The following EIF2AK2 variants were observed in gnomAD, a reference collection of about 807,000 sequenced individuals.
The protein encoded by EIF2AK2 is eukaryotic translation initiation factor 2 alpha kinase 2.
Under a neutral mutation model 70.5 loss-of-function variants are expected in EIF2AK2, and 40 were observed. That is an observed-to-expected ratio of 0.57 (90% CI 0.44 to 0.74). The LOEUF (loss-of-function observed/expected upper bound fraction) is 0.74, where lower values mean the gene tolerates loss of function less well. EIF2AK2 is among the 30% of genes least tolerant of loss of function. The probability of loss-of-function intolerance (pLI) is 0.00; values close to 1 mark genes in which losing one functional copy is unlikely to be tolerated. For missense variants in EIF2AK2, 555 were observed against 644.3 expected (o/e 0.86, Z 1.50); for synonymous variants, 198 against 220.9 (o/e 0.90, Z 0.92).
intron 4 of EIF2AK2, among the ~76,000 whole-genome samples, chr2:37,144,377 G>A (rs1374477688): frequency 2.7e-5 from 3 of 110,776 alleles, no homozygotes; most frequent in Non-Finnish European, 2.0e-5. Flanking sequence ...AAAAAAAAAA[G>A]TAAACTGTAA....
rs574504982 is a variant in EIF2AK2 at position 37,127,251 on chromosome 2, T to C, written c.786-840A>G. On this transcript the variant is annotated intron_variant, in intron 10 of 16. Coordinates refer to ENST00000233057, the MANE Select transcript of EIF2AK2 (RefSeq NM_001135651.3). ...CCTCCAACATCTTCACCCCAGTCCA[T>C]GCTTCCATTAGGCCATAGCAGTACC... Among the ~76,000 whole-genome samples the C allele has an allele frequency of 2.6e-5, 4 of 152,240 alleles. No homozygotes were observed. In the South Asian group the frequency reaches 8.3e-4, roughly 32 times the overall value.
chr2:37,139,777 G>A lies in EIF2AK2; in HGVS notation c.390-20C>T. Reference sequence around the variant, plus strand: ...TGAAATCTAGGAGAAATCATAGAAGGTACTTATCCAAACATGAAAAATATA... The same window carrying A: ...TGAAATCTAGGAGAAATCATAGAAGATACTTATCCAAACATGAAAAATATA... On this transcript the variant is annotated intron_variant, in intron 5 of 16. Coordinates refer to ENST00000233057, the MANE Select transcript of EIF2AK2 (RefSeq NM_001135651.3). The A allele has an allele frequency of 1.3e-6, 2 of 1,590,908 alleles. No individual in the cohort carries two copies. The highest frequency in any genetic ancestry group is 8.5e-7 in the Non-Finnish European group (1 of 1,172,372).
At position 37,118,545 on chromosome 2, in the gene EIF2AK2, C is replaced by A. The variant is rs141913180; in HGVS notation, c.1248+1414G>T. On this transcript the variant is annotated intron_variant, in intron 13 of 16. Transcript: ENST00000233057. ...ATGCCTACACTTCTGCATTTATTTGCAAATTATTTTATATAGAAATAATTG... is the reference window on the plus strand; with the variant it reads ...ATGCCTACACTTCTGCATTTATTTGAAAATTATTTTATATAGAAATAATTG... Among the ~76,000 whole-genome samples, 869 of 152,256 alleles carry A rather than the reference C, an allele frequency of 5.7e-3. 2 individuals are homozygous for A. The highest frequency in any genetic ancestry group is 9.5e-3 in the Non-Finnish European group (648 of 68,020).
intron 1 of EIF2AK2, among the ~76,000 whole-genome samples, chr2:37,156,414 G>T (rs1298741214): frequency 6.6e-6 from 1 of 152,156 alleles, no homozygotes; most frequent in African/African-American, 2.4e-5. Flanking sequence ...GGAGGTTCAG[G>T]GGTGAGGATA....
In EIF2AK2 at chr2:37,114,853, T is replaced by C; in HGVS notation, c.1255A>G (p.Asn419Asp). Residue 419 changes from asparagine (N) to aspartate (D), a missense_variant, in exon 14 of 17, where the codon AAT becomes GAT. Asn to Asp is a conservative substitution (Grantham distance 23). Coordinates refer to ENST00000233057, the MANE Select transcript of EIF2AK2 (RefSeq NM_001135651.3). Reference protein sequence around the residue: ...KLIHRDLKPSNIFLVDTKQVK... With the variant: ...KLIHRDLKPSDIFLVDTKQVK... ...TGTTTTGTATCTACTAAGAATATAT[T>C]ACTTGGCTATGAAAAAAAAAAATTT... is the stretch of plus-strand genomic sequence containing the variant. The C allele has an allele frequency of 1.3e-6, 2 of 1,564,190 alleles. No homozygotes were observed. The highest frequency in any genetic ancestry group is 1.7e-6 in the Non-Finnish European group (2 of 1,159,734).
intron 4 of EIF2AK2, among the ~76,000 whole-genome samples, chr2:37,146,457 G>C (rs757234041): frequency 6.6e-6 from 1 of 152,210 alleles, no homozygotes; most frequent in Non-Finnish European, 1.5e-5. Flanking sequence ...CACAGAGAGT[G>C]AGTGACCACT....
chr2:37,151,853 C>T (rs1237733529), intron 1 of EIF2AK2, among the ~76,000 whole-genome samples: 1 of 152,204 alleles, frequency 6.6e-6, no homozygotes, highest in Non-Finnish European at 1.5e-5. Flanking sequence ...CCGAGGCGGG[C>T]GGATCACGAG....
intron 5 of EIF2AK2, among the ~76,000 whole-genome samples, chr2:37,140,067 A>T (rs190221707): frequency 5.3e-5 from 8 of 152,128 alleles, no homozygotes; most frequent in Admixed American, 2.0e-4. Context: ...CCAAAGGTCA[A>T]AAGATACGGA....
chr2:37,108,578 T>C (rs1223915905), intron 15 of EIF2AK2, among the ~76,000 whole-genome samples: 1 of 152,214 alleles, frequency 6.6e-6, no homozygotes, highest in African/African-American at 2.4e-5. Flanking sequence ...TTTATTCATT[T>C]ATTTATTTAG....
chr2:37,138,402 G>GT, intron 7 of EIF2AK2, 39 bp from the exon 8 acceptor site: 1 of 1,600,640 alleles, frequency 6.2e-7, no homozygotes, highest in Non-Finnish European at 8.5e-7. Context: ...TATTAATTCT[G>GT]TTTTTATCAC....
chr2:37,144,404 T>C (rs1373674988), intron 4 of EIF2AK2, among the ~76,000 whole-genome samples: 1 of 150,020 alleles, frequency 6.7e-6, no homozygotes, highest in Non-Finnish European at 1.5e-5. Flanking sequence ...CTCAGGCAGG[T>C]CCTTCGGTAG....
At position 37,148,898 on chromosome 2, in the gene EIF2AK2, G is replaced by T. The variant is rs1265195810; in HGVS notation, c.-58C>A. Reference sequence around the variant, plus strand: ...TCCAAAATGCACGCAGATAATCACGGAAGTGTGGATGTTGATTCTGAAGAC... The same window carrying T: ...TCCAAAATGCACGCAGATAATCACGTAAGTGTGGATGTTGATTCTGAAGAC... On this transcript the variant is annotated 5_prime_UTR_variant, in exon 2 of 17. Transcript: ENST00000233057. 6.0e-6 allele frequency: 5 copies of T among 830,172 alleles called. No individual in the cohort carries two copies. The highest frequency in any genetic ancestry group is 5.3e-5 in the South Asian group (4 of 74,966). The allele number at this position is 830,172 out of a possible 1,614,324, so 51.4% of individuals were successfully genotyped here. A position where few individuals can be genotyped will look rare whatever the true frequency, so the allele number is the denominator to read the frequency against.
intron 13 of EIF2AK2, 43 bp downstream of exon 13, chr2:37,119,916 A>G (rs765268481): frequency 9.3e-7 from 1 of 1,073,446 alleles, no homozygotes; most frequent in Non-Finnish European, 1.2e-6. Flanking sequence ...TAAAATTACT[A>G]TATTATATAT....
intron 7 of EIF2AK2, 71 bp from the exon 8 acceptor site, chr2:37,138,434 C>A: frequency 6.2e-7 from 1 of 1,600,404 alleles, no homozygotes; most frequent in South Asian, 1.1e-5. Context: ...CCTAAATTCT[C>A]CTTAAACATA....
At position 37,107,402 on chromosome 2, in the gene EIF2AK2, T is replaced by C; in HGVS notation, c.1534-7A>G. On this transcript the variant is annotated splice_polypyrimidine_tract_variant and splice_region_variant and intron_variant, in intron 16 of 16. Transcript: ENST00000233057. Reference sequence around the variant, plus strand: ...ATTTCTGTAGAAGAGTTTTCTGCAATGACAGTGAGAGTCAATAGTAAGAAA... The same window carrying C: ...ATTTCTGTAGAAGAGTTTTCTGCAACGACAGTGAGAGTCAATAGTAAGAAA... 6.2e-7 allele frequency: 1 copy of C among 1,612,986 alleles called. No homozygotes were observed. The highest frequency in any genetic ancestry group is 8.5e-7 in the Non-Finnish European group (1 of 1,179,790).
chr2:37,136,735 AAAAT>A, intron 9 of EIF2AK2: 1 of 274,480 alleles, frequency 3.6e-6, no homozygotes, highest in Non-Finnish European at 7.0e-6. Flanking sequence ...AGTCTTGTAC[AAAAT>A]AATGCCCTTA....
chr2:37,126,917 A>G (rs1335907875), intron 10 of EIF2AK2, among the ~76,000 whole-genome samples: 1 of 140,538 alleles, frequency 7.1e-6, no homozygotes, highest in Admixed American at 8.0e-5. Context: ...AGATCACACC[A>G]CTGCACTCCA....
At chr2:37,127,176 G>A (rs1256049159) in intron 10 of EIF2AK2, among the ~76,000 whole-genome samples, 1 of 151,978 alleles carries the variant, frequency 6.6e-6, no homozygotes, top group Non-Finnish European at 1.5e-5. Context: ...ATTAAGACCT[G>A]TCAATTCTAC....
intron 10 of EIF2AK2, among the ~76,000 whole-genome samples, chr2:37,127,323 G>A (rs1321511755): frequency 6.6e-6 from 1 of 152,040 alleles, no homozygotes; most frequent in Non-Finnish European, 1.5e-5. Context: ...TCCAATCTAT[G>A]ATCCATGCAG....
Sources: allele counts gnomAD v4.1 joint callset (sites outside exome capture counted in the v4.1 genomes callset), GRCh38; gene constraint gnomAD v4.1.1; transcripts MANE v1.5; gene names NCBI Gene and HGNC (gene_info 2026-07-23, HGNC 2026-07-21).